The following MANEA variants were observed in gnomAD, a reference collection of about 807,000 sequenced individuals.
The protein encoded by MANEA is glycoprotein endo-alpha-1,2-mannosidase.
MANEA carries 25 observed loss-of-function variants against 36.8 expected under a neutral mutation model. The observed-to-expected ratio is 0.68, with a 90% CI of 0.50 to 0.95. The LOEUF (loss-of-function observed/expected upper bound fraction) is 0.95, where lower values mean the gene tolerates loss of function less well. Ranked by LOEUF, MANEA falls within the 40% of genes least tolerant of loss-of-function variation. The pLI, the probability that MANEA is intolerant of heterozygous loss-of-function variation, is 0.00. For synonymous variants in MANEA, 198 were observed against 188.5 expected (o/e 1.05, Z -0.41); for missense variants, 565 against 558.8 (o/e 1.01, Z -0.11).
chr6:95,599,330 T>C (rs6903017), intron 3 of MANEA, among the ~76,000 whole-genome samples: 90,381 of 151,396 alleles, frequency 0.6, 27,389 homozygotes, highest in East Asian at 0.87. Flanking sequence ...GCATGAGAAT[T>C]GCTTGAACCT....
intron 1 of MANEA, among the ~76,000 whole-genome samples, chr6:95,577,985 G>A (rs909616983): frequency 1.1e-4 from 17 of 152,216 alleles, no homozygotes; most frequent in African/African-American, 2.2e-4. Context: ...TCCCCGACAA[G>A]GTGGAAATTT....
rs1769724142 is a variant in MANEA, at chr6:95,606,822, A to G, written c.*417A>G. 6.6e-6 allele frequency: 1 copy of G among 152,632 alleles called. No homozygotes were observed. Among genetic ancestry groups the G allele is most frequent in the African/African-American group, 2.4e-5 (1 of 41,442 alleles). 9.5% of individuals were successfully genotyped at this position (152,632 alleles called of 1,614,324 possible). ...ATTGAAGAAAAAAAGAAAACCCCTT[A>G]AAGATAATGTACATGCTTCATGTCA... On this transcript the variant is annotated 3_prime_UTR_variant, in exon 5 of 5. Coordinates refer to ENST00000358812, the MANE Select transcript of MANEA (RefSeq NM_024641.4).
At chr6:95,581,202 G>A (rs561897925) in intron 1 of MANEA, among the ~76,000 whole-genome samples, 1 of 152,226 alleles carries the variant, frequency 6.6e-6, no homozygotes, top group African/African-American at 2.4e-5. Context: ...AAATCTCAAT[G>A]CCCATCTGTG....
rs1341921487 is a variant in MANEA at position 95,607,099 on chromosome 6, G to A, written c.*694G>A. 1 of 152,084 alleles carries A rather than the reference G, an allele frequency of 6.6e-6. No individual in the cohort carries two copies. The highest frequency in any genetic ancestry group is 1.5e-5 in the Non-Finnish European group (1 of 67,992). The allele number at this position is 152,084 out of a possible 1,614,324, so 9.4% of individuals were successfully genotyped here. ...AGCACAGTGTGTCATTTGCAGATTT[G>A]TGGTTACCTATACCACGCTAGGTGT... On this transcript the variant is annotated 3_prime_UTR_variant, in exon 5 of 5. Transcript: ENST00000358812.
intron 1 of MANEA, among the ~76,000 whole-genome samples, chr6:95,581,330 TTGAA>T (rs1028969378): frequency 2.0e-5 from 3 of 152,158 alleles, no homozygotes; most frequent in Admixed American, 6.5e-5. Flanking sequence ...CACATTTTAA[TTGAA>T]TGAATGAAGT....
intron 2 of MANEA, among the ~76,000 whole-genome samples, chr6:95,592,579 A>T (rs1338786318): frequency 6.6e-6 from 1 of 152,194 alleles, no homozygotes; most frequent in Non-Finnish European, 1.5e-5. Flanking sequence ...GTTTGAAAGA[A>T]TGTTTGAGAT....
At chr6:95,583,917 TTAAA>T (rs1443863600) in intron 1 of MANEA, among the ~76,000 whole-genome samples, 1 of 152,224 alleles carries the variant, frequency 6.6e-6, no homozygotes, top group Non-Finnish European at 1.5e-5. Flanking sequence ...TTAGTGTTTC[TTAAA>T]TACATGTAGA....
chr6:95,603,021 C>T (rs1267531813), intron 3 of MANEA, among the ~76,000 whole-genome samples: 26 of 100,944 alleles, frequency 2.6e-4, no homozygotes, highest in Non-Finnish European at 4.4e-4. Flanking sequence ...AGCGAGACTC[C>T]GTCTCAAAAA....
Position 95,586,542 on chromosome 6 carries a change from A to G in MANEA, c.103A>G (p.Thr35Ala), listed in dbSNP as rs1215627400. 3 of 1,613,976 alleles carry G rather than the reference A, an allele frequency of 1.9e-6. No homozygotes were observed. The highest frequency in any genetic ancestry group is 4.5e-5 in the East Asian group (2 of 44,848). ...GLKMLRPNTA[T>A]FGAPFGLDLL... ...AAAAATGCTGAGACCAAATACAGCT[A>G]CTTTTGGAGCTCCTTTTGGACTTGA... is the stretch of plus-strand genomic sequence containing the variant. Residue 35 changes from threonine (T) to alanine (A), a missense_variant, in exon 2 of 5, where the codon ACT becomes GCT. Coordinates refer to ENST00000358812, the MANE Select transcript of MANEA (RefSeq NM_024641.4).
intron 1 of MANEA, among the ~76,000 whole-genome samples, chr6:95,583,479 TTACAG>T (rs1443527444): frequency 6.6e-6 from 1 of 152,116 alleles, no homozygotes; most frequent in African/African-American, 2.4e-5. Flanking sequence ...CTTGATATAT[TTACAG>T]TATGCATATC....
intron 2 of MANEA, among the ~76,000 whole-genome samples, chr6:95,588,516 C>G (rs1222391734): frequency 6.6e-6 from 1 of 151,778 alleles, no homozygotes; most frequent in Non-Finnish European, 1.5e-5. Context: ...TCTGTGTGGT[C>G]AATATGTATG....
intron 3 of MANEA, among the ~76,000 whole-genome samples, chr6:95,599,178 A>C (rs1769541107): frequency 6.6e-6 from 1 of 152,160 alleles, no homozygotes; most frequent in African/African-American, 2.4e-5. Context: ...AATTTTAGGA[A>C]ATAAAAATTC....
Position 95,606,105 on chromosome 6 carries a change from C to T in MANEA, c.1089C>T (p.Thr363=), listed in dbSNP as rs769551494. The change falls in exon 5 of 5, where the codon ACC becomes ACT. Residue 363 remains threonine (T), a synonymous_variant. Transcript: ENST00000358812. ...GTGTGGGCCCAGGATACATAGATACCAGCATCCGTCCATGGAACACGCAAA... is the reference window on the plus strand; with the variant it reads ...GTGTGGGCCCAGGATACATAGATACTAGCATCCGTCCATGGAACACGCAAA... ...IPSVGPGYID[T]SIRPWNTQNT... 1 of 1,613,910 alleles carries T rather than the reference C, an allele frequency of 6.2e-7. No individual in the cohort carries two copies. Among genetic ancestry groups the T allele is most frequent in the Admixed American group, 1.7e-5 (1 of 60,008 alleles).
chr6:95,578,557 A>T (rs1310318305), intron 1 of MANEA, among the ~76,000 whole-genome samples: 1 of 152,178 alleles, frequency 6.6e-6, no homozygotes, highest in African/African-American at 2.4e-5. Flanking sequence ...TTTCATGACA[A>T]TACATCTATT....
intron 1 of MANEA, among the ~76,000 whole-genome samples, chr6:95,583,504 G>A (rs1292864846): frequency 1.3e-5 from 2 of 151,918 alleles, no homozygotes; most frequent in African/African-American, 2.4e-5. Flanking sequence ...CGTATATACA[G>A]TATACATATA....
intron 3 of MANEA, among the ~76,000 whole-genome samples, chr6:95,602,366 C>A (rs1769609593): frequency 6.6e-6 from 1 of 152,046 alleles, no homozygotes; most frequent in South Asian, 2.1e-4. Flanking sequence ...TATGGCACCA[C>A]ATAGGAGTAG....
At position 95,609,107 on chromosome 6, in the gene MANEA, AC is replaced by A. The variant is rs1769772379; in HGVS notation, c.*2703del. On this transcript the variant is annotated 3_prime_UTR_variant, in exon 5 of 5. Coordinates refer to ENST00000358812, the MANE Select transcript of MANEA (RefSeq NM_024641.4). ...TAACACAGTTTAAATTGTTATGATA[AC>A]AAGTAAATAAGAGCAAAGAATGTAT... 1 of 151,710 alleles carries A rather than the reference AC, an allele frequency of 6.6e-6. No homozygotes were observed. Among genetic ancestry groups the A allele is most frequent in the East Asian group, 1.9e-4 (1 of 5,198 alleles). The allele number at this position is 151,710 out of a possible 1,614,324, so 9.4% of individuals were successfully genotyped here.
Position 95,608,792 on chromosome 6 carries a change from T to G in MANEA, c.*2387T>G, listed in dbSNP as rs939282671. On this transcript the variant is annotated 3_prime_UTR_variant, in exon 5 of 5. Coordinates refer to ENST00000358812, the MANE Select transcript of MANEA (RefSeq NM_024641.4). ...AGTAGTTGCATATAATCTATGCACA[T>G]CCTCCTGTATACATTAAGTCATCTC... 1 of 151,758 alleles carries G rather than the reference T, an allele frequency of 6.6e-6. No individual in the cohort carries two copies. The highest frequency in any genetic ancestry group is 2.4e-5 in the African/African-American group (1 of 41,380). 9.4% of individuals were successfully genotyped at this position (151,758 alleles called of 1,614,324 possible).
rs1193401653 is a variant in MANEA, at chr6:95,608,644, T to G, written c.*2239T>G. The G allele has an allele frequency of 6.6e-6, 1 of 151,814 alleles. No homozygotes were observed. Among genetic ancestry groups the G allele is most frequent in the Non-Finnish European group, 1.5e-5 (1 of 67,758 alleles). 9.4% of individuals were successfully genotyped at this position (151,814 alleles called of 1,614,324 possible). ...AATTACTAGTTTATATTAATATAGT[T>G]TTTTTCTCCCTTTTTAATAAAATAA... On this transcript the variant is annotated 3_prime_UTR_variant, in exon 5 of 5. Transcript: ENST00000358812.
Sources: allele counts gnomAD v4.1 joint callset (sites outside exome capture counted in the v4.1 genomes callset), GRCh38; gene constraint gnomAD v4.1.1; transcripts MANE v1.5; gene names NCBI Gene and HGNC (gene_info 2026-07-23, HGNC 2026-07-21).